Variants in CUL5 observed in about 807,000 individuals in gnomAD.
The protein encoded by CUL5 is cullin 5.
CUL5 carries 26 observed loss-of-function variants against 108.8 expected under a neutral mutation model. The ratio of observed to expected loss-of-function variants is 0.24; its 90% CI spans 0.18 to 0.33. CUL5 has a LOEUF of 0.33. CUL5 is among the 10% of genes least tolerant of loss of function. The pLI is 1.00. For synonymous variants in CUL5, 334 were observed against 298.0 expected, an observed-to-expected ratio of 1.12 and a Z score of -1.25; for missense variants, 524 against 909.2, an observed-to-expected ratio of 0.58 and a Z score of 5.45.
chr11:108,087,327 A>G (rs1864242891), intron 11 of CUL5, among the ~76,000 whole-genome samples: 1 of 152,210 alleles, frequency 6.6e-6, no homozygotes, highest in Non-Finnish European at 1.5e-5. Context: ...GCACGATGTA[A>G]TTGTTGTTTG....
At chr11:108,102,275 C>T (rs1346907362) in intron 18 of CUL5, among the ~76,000 whole-genome samples, 1 of 151,854 alleles carries the variant, frequency 6.6e-6, no homozygotes, top group Non-Finnish European at 1.5e-5. Context: ...TAATCCGCTC[C>T]CCTTGGCCTC....
intron 1 of CUL5, among the ~76,000 whole-genome samples, chr11:108,015,617 A>G (rs1431321996): frequency 6.6e-6 from 1 of 152,192 alleles, no homozygotes; most frequent in Non-Finnish European, 1.5e-5. Flanking sequence ...GGAGGAAACA[A>G]ATTTCAAGGG....
Position 108,098,407 on chromosome 11 carries a change from A to T in CUL5, c.2026A>T (p.Lys676Ter), listed in dbSNP as rs1398255746. 1 of 1,601,170 alleles carries T rather than the reference A, an allele frequency of 6.2e-7. No individual in the cohort carries two copies. The change falls in exon 18 of 19, where the codon AAA becomes TAA. Residue 676 changes from lysine to a stop codon, truncating the protein, a stop_gained and splice_region_variant. Transcript: ENST00000393094. LOFTEE classifies it high-confidence loss of function. Reference protein sequence around the residue: ...FSVNQEFSLIKNAKVQKRGKI... With the variant: ...FSVNQEFSLI ...TACTTGATGCAATTCTTTTTGTAGA[A>T]AAAATGCAAAGGTTCAGAAAAGGGG...
At chr11:108,040,743 C>T (rs946659222) in intron 2 of CUL5, among the ~76,000 whole-genome samples, 6 of 151,862 alleles carry the variant, frequency 4.0e-5, no homozygotes, top group African/African-American at 1.2e-4. Flanking sequence ...CATGCCACTG[C>T]ACTCCAGGCA....
intron 11 of CUL5, among the ~76,000 whole-genome samples, chr11:108,079,163 G>T (rs1175862845): frequency 3.3e-5 from 5 of 152,152 alleles, no homozygotes; most frequent in Non-Finnish European, 5.9e-5. Flanking sequence ...GAGTGCAGTG[G>T]TACGACCTCA....
At chr11:108,013,158 CTT>C (rs1378585590) in intron 1 of CUL5, among the ~76,000 whole-genome samples, 1 of 152,174 alleles carries the variant, frequency 6.6e-6, no homozygotes, top group South Asian at 2.1e-4. Flanking sequence ...CTCTGCTTCT[CTT>C]TTGGTTTTTA....
intron 10 of CUL5, chr11:108,074,169 T>C (rs1369915654): frequency 6.6e-6 from 1 of 151,520 alleles, no homozygotes; most frequent in African/African-American, 2.4e-5. Context: ...GATTTTTTTC[T>C]CACTCTTTTT....
intron 5 of CUL5, among the ~76,000 whole-genome samples, chr11:108,054,441 C>T (rs1040313018): frequency 2.6e-5 from 4 of 152,172 alleles, no homozygotes; most frequent in East Asian, 1.9e-4. Flanking sequence ...TCTATATTAT[C>T]TGTATTATTT....
intron 5 of CUL5, among the ~76,000 whole-genome samples, chr11:108,053,842 C>G (rs1863304494): frequency 1.3e-5 from 2 of 151,804 alleles, no homozygotes; most frequent in Non-Finnish European, 2.9e-5. Flanking sequence ...CCACACCTGG[C>G]TAATTTGTTT....
chr11:108,039,486 A>T (rs1267697996), intron 2 of CUL5, among the ~76,000 whole-genome samples: 1 of 152,178 alleles, frequency 6.6e-6, no homozygotes. Flanking sequence ...GCTGCTCTAG[A>T]TCCATTTACA....
chr11:108,012,709 G>T (rs1438819364), intron 1 of CUL5, among the ~76,000 whole-genome samples: 2 of 151,938 alleles, frequency 1.3e-5, no homozygotes, highest in Non-Finnish European at 2.9e-5. Flanking sequence ...CAATTCTCCT[G>T]CCTCAACCTC....
At chr11:108,035,420 G>T (rs1862711034) in intron 2 of CUL5, among the ~76,000 whole-genome samples, 1 of 152,094 alleles carries the variant, frequency 6.6e-6, no homozygotes, top group Non-Finnish European at 1.5e-5. Flanking sequence ...TGGCTCCACA[G>T]GAGGATATCT....
intron 7 of CUL5, among the ~76,000 whole-genome samples, chr11:108,068,251 A>T (rs1367602799): frequency 6.6e-6 from 1 of 152,224 alleles, no homozygotes; most frequent in Non-Finnish European, 1.5e-5. Flanking sequence ...AGAAATATAC[A>T]TGGATATATG....
intron 11 of CUL5, 53 bp from the exon 12 acceptor site, chr11:108,088,473 AT>A (rs1565266313): frequency 6.5e-7 from 1 of 1,530,276 alleles, no homozygotes; most frequent in Non-Finnish European, 8.8e-7. Context: ...TTAGAAAAAA[AT>A]AATTGCAAAC....
At chr11:108,100,799 G>C (rs1353954223) in intron 18 of CUL5, among the ~76,000 whole-genome samples, 1 of 152,214 alleles carries the variant, frequency 6.6e-6, no homozygotes, top group East Asian at 1.9e-4. Context: ...GGGAGGCCGA[G>C]GCGGGTGGAT....
chr11:108,101,926 A>G (rs1370942151), intron 18 of CUL5, among the ~76,000 whole-genome samples: 2 of 152,222 alleles, frequency 1.3e-5, no homozygotes, highest in South Asian at 4.1e-4. Context: ...ATAAACCCCA[A>G]TTTATGATGA....
intron 7 of CUL5, among the ~76,000 whole-genome samples, chr11:108,056,379 A>G (rs1863378637): frequency 6.6e-6 from 1 of 152,132 alleles, no homozygotes; most frequent in Non-Finnish European, 1.5e-5. Context: ...GGCTTTGTCC[A>G]TCTTAAGTGG....
chr11:108,026,722 G>A (rs1862460203), intron 1 of CUL5, among the ~76,000 whole-genome samples: 1 of 152,110 alleles, frequency 6.6e-6, no homozygotes. Context: ...CAGGCGCAGT[G>A]GCTCACGTTT....
At position 108,095,029 on chromosome 11, in the gene CUL5, A is replaced by G. The variant is rs527601791; in HGVS notation, c.1743+42A>G. ...TTAGTTATTTCAGCTTTCAGTTTGG[A>G]TGAAAGTAGCAGGACTCCGCAGAAT... On this transcript the variant is annotated intron_variant, in intron 15 of 18. Coordinates refer to ENST00000393094, the MANE Select transcript of CUL5 (RefSeq NM_003478.6). The G allele has an allele frequency of 7.2e-6, 11 of 1,528,882 alleles. No homozygotes were observed. The South Asian group carries it at 8.5e-5, about 12-fold the overall frequency. 94.7% of individuals were successfully genotyped at this position (1,528,882 alleles called of 1,614,324 possible).
Sources: gnomAD v4.1 joint callset for allele counts (sites outside exome capture counted in the v4.1 genomes callset) on GRCh38, gnomAD v4.1.1 for gene constraint, MANE v1.5 for transcripts, NCBI Gene and HGNC (gene_info 2026-07-23, HGNC 2026-07-21) for gene names.